Variants in TLR6 observed in about 807,000 individuals in gnomAD.
TLR6 encodes toll-like receptor 6.
TLR6 carries 9 observed loss-of-function variants against 16.1 expected under a neutral mutation model. The ratio of observed to expected loss-of-function variants is 0.56; its 90% CI spans 0.34 to 0.98. The LOEUF is 0.98. Ranked by LOEUF, TLR6 falls within the 50% of genes least tolerant of loss-of-function variation. TLR6 has a pLI of 0.02. For synonymous variants in TLR6, 340 were observed against 338.6 expected, an observed-to-expected ratio of 1.00 and a Z score of -0.04; for missense variants, 786 against 921.0, an observed-to-expected ratio of 0.85 and a Z score of 1.90.
chr4:38,845,170 A>T (rs531988741), intron 1 of TLR6, among the ~76,000 whole-genome samples: 1 of 152,264 alleles, frequency 6.6e-6, no homozygotes, highest in African/African-American at 2.4e-5. Flanking sequence ...ATTAAGTTAT[A>T]TCTCTATCTA....
chr4:38,866,120 C>G, the TLR6 span, among the ~76,000 whole-genome samples: 1 of 151,266 alleles, frequency 6.6e-6, no homozygotes. Context: ...AAGACTCTGT[C>G]CTCCTAAAAA....
chr4:38,862,600 T>TC, the TLR6 span, among the ~76,000 whole-genome samples: 1 of 141,736 alleles, frequency 7.1e-6, no homozygotes, highest in African/African-American at 2.7e-5. Flanking sequence ...ATTTTTTTTT[T>TC]TTTTTTTTTT....
exon 2 of TLR6, chr4:38,827,843 A>C: frequency 6.2e-7 from 1 of 1,614,250 alleles, no homozygotes; most frequent in South Asian, 1.1e-5. Flanking sequence ...TACTTGGTCT[A>C]TATTTTTGAC....
At chr4:38,849,834 A>AG (rs1491189869) in intron 1 of TLR6, among the ~76,000 whole-genome samples, 2 of 152,216 alleles carry the variant, frequency 1.3e-5, no homozygotes, top group African/African-American at 2.4e-5. Flanking sequence ...TCAACGAGAC[A>AG]GAAAGTTAAC....
intron 1 of TLR6, among the ~76,000 whole-genome samples, chr4:38,851,068 G>A (rs9685553): frequency 0.16 from 23,689 of 151,832 alleles, 3,501 homozygotes; most frequent in African/African-American, 0.37. Context: ...ATGCAAGGCT[G>A]TTTCAACATA....
At chr4:38,858,880 AAAGAAAGAG>A (rs1560274730), upstream of TLR6, among the ~76,000 whole-genome samples, 1 of 101,216 alleles carries the variant, frequency 9.9e-6, no homozygotes, top group Non-Finnish European at 2.2e-5. Context: ...AGAAAGAAAG[AAAGAAAGAG>A]AGAAAGAAAG....
At chr4:38,834,934 A>G (rs890974061) in intron 1 of TLR6, among the ~76,000 whole-genome samples, 1 of 152,224 alleles carries the variant, frequency 6.6e-6, no homozygotes, top group Admixed American at 6.5e-5. Context: ...TACCATTATG[A>G]AAACACATGA....
chr4:38,852,360 A>G (rs1579260746), intron 1 of TLR6, among the ~76,000 whole-genome samples: 1 of 152,230 alleles, frequency 6.6e-6, no homozygotes, highest in East Asian at 1.9e-4. Flanking sequence ...CAATGGCAAC[A>G]AAAGACAAAA....
At chr4:38,858,828 AG>A (rs1713113291), upstream of TLR6, among the ~76,000 whole-genome samples, 1 of 96,126 alleles carries the variant, frequency 1.0e-5, no homozygotes, top group Non-Finnish European at 2.1e-5. Flanking sequence ...AGAGAGAGAG[AG>A]AGGAAGAAAG....
chr4:38,850,980 A>G (rs1014709043), intron 1 of TLR6, among the ~76,000 whole-genome samples: 6 of 152,244 alleles, frequency 3.9e-5, no homozygotes, highest in African/African-American at 1.4e-4. Context: ...AAAAATCCTC[A>G]ATAAAATACT....
At chr4:38,860,250 T>C (rs886707657), upstream of TLR6, among the ~76,000 whole-genome samples, 2 of 152,102 alleles carry the variant, frequency 1.3e-5, no homozygotes, top group Non-Finnish European at 2.9e-5. Context: ...GGCAGGCAGA[T>C]CACCTGAGGT....
In TLR6 at chr4:38,840,420, T is replaced by A. The variant is rs552136503; in HGVS notation, c.-64-10883A>T. On this transcript the variant is annotated intron_variant, in intron 1 of 1. Transcript: ENST00000436693. Reference sequence around the variant, plus strand: ...AGGCTGAGGCCCATGGATCACGAGGTCAGGAGTTCGAGACCTGCCTGGCCA... The same window carrying A: ...AGGCTGAGGCCCATGGATCACGAGGACAGGAGTTCGAGACCTGCCTGGCCA... Among the ~76,000 whole-genome samples, 7 of 151,536 alleles carry A rather than the reference T, an allele frequency of 4.6e-5. No homozygotes were observed. In the South Asian group the frequency reaches 1.5e-3, roughly 32 times the overall value.
At chr4:38,843,593 T>C (rs956605964) in intron 1 of TLR6, 5 of 152,168 alleles carry the variant, frequency 3.3e-5, no homozygotes, top group African/African-American at 9.7e-5. Context: ...AGAGGATATA[T>C]TGGAAATAGT....
the TLR6 span, chr4:38,868,156 C>G: frequency 4.3e-6 from 1 of 232,356 alleles, no homozygotes; most frequent in Non-Finnish European, 9.3e-6. Flanking sequence ...CGTGAACCTC[C>G]GCGGAGCCTG....
upstream of TLR6, among the ~76,000 whole-genome samples, chr4:38,859,500 T>C (rs1713149569): frequency 6.6e-6 from 1 of 151,554 alleles, no homozygotes. Flanking sequence ...AATCTTTTTT[T>C]CTCAAAAGAT....
At chr4:38,838,744 TG>T (rs1712064073) in intron 1 of TLR6, among the ~76,000 whole-genome samples, 1 of 152,112 alleles carries the variant, frequency 6.6e-6, no homozygotes, top group Non-Finnish European at 1.5e-5. Flanking sequence ...AGATCTGAAA[TG>T]CTCCCCCACC....
intron 1 of TLR6, among the ~76,000 whole-genome samples, chr4:38,856,072 A>G (rs889718163): frequency 6.6e-6 from 1 of 152,206 alleles, no homozygotes; most frequent in African/African-American, 2.4e-5. Context: ...GGCAAGAAAA[A>G]CATTGTTTCA....
chr4:38,831,307 G>T (rs60955767), intron 1 of TLR6, among the ~76,000 whole-genome samples: 145 of 112,788 alleles, frequency 1.3e-3, no homozygotes, highest in African/African-American at 4.7e-3. Context: ...AAAAAAAAAA[G>T]AAGAAGAAGA....
chr4:38,848,191 A>C (rs1712617177), intron 1 of TLR6, among the ~76,000 whole-genome samples: 1 of 152,244 alleles, frequency 6.6e-6, no homozygotes, highest in Admixed American at 6.5e-5. Context: ...GTGGACCTCC[A>C]GCAAACTCCA....
Sources: gnomAD v4.1 joint callset for allele counts (sites outside exome capture counted in the v4.1 genomes callset) on GRCh38, gnomAD v4.1.1 for gene constraint, MANE v1.5 for transcripts, NCBI Gene and HGNC (gene_info 2026-07-23, HGNC 2026-07-21) for gene names.